Variants in WDR33 observed in about 807,000 individuals in gnomAD.
WDR33 encodes WD repeat domain 33.
A neutral mutation model predicts 164.9 loss-of-function variants in WDR33; 47 were observed. The observed-to-expected ratio is 0.29, with a 90% confidence interval of 0.23 to 0.36. The LOEUF is 0.36. Ranked by LOEUF, WDR33 falls within the 10% of genes least tolerant of loss-of-function variation. The pLI is 1.00. For synonymous variants in WDR33, 505 were observed against 589.0 expected (o/e 0.86, Z 2.06); for missense variants, 1,137 against 1,754.1 (o/e 0.65, Z 6.28).
rs552426119 is a variant in WDR33 at position 127,738,820 on chromosome 2, C to T, written c.725-12043G>A. The stretch of plus-strand genomic sequence containing the variant: ...CACTGCCTATGGGTTAGTCCTGCCC[C>T]GCAAGCAGTCACTCTGTAAATAATT... On this transcript the variant is annotated intron_variant, in intron 7 of 21. Coordinates refer to ENST00000322313, the MANE Select transcript of WDR33 (RefSeq NM_018383.5). The surrounding 1 kb of genome is among the most constrained non-coding windows in gnomAD (Gnocchi z 4.4). Among the ~76,000 whole-genome samples, 5 of 152,208 alleles carry T rather than the reference C, an allele frequency of 3.3e-5. No homozygotes were observed. The highest frequency in any genetic ancestry group is 1.9e-4 in the East Asian group (1 of 5,188).
At chr2:127,762,604 T>C in intron 7 of WDR33, 1 of 987,682 alleles carries the variant, frequency 1.0e-6, no homozygotes, top group Non-Finnish European at 1.2e-6. Flanking sequence ...ACAAATGTGG[T>C]GTACTGAAAA....
At chr2:127,798,892 C>CA (rs1689139443) in intron 1 of WDR33, 1 of 142,284 alleles carries the variant, frequency 7.0e-6, no homozygotes, top group South Asian at 2.2e-4. Context: ...TTATAGCTTT[C>CA]TTTTTTTTTT....
chr2:127,757,854 C>T (rs545096538), intron 7 of WDR33, among the ~76,000 whole-genome samples: 3 of 151,956 alleles, frequency 2.0e-5, no homozygotes, highest in Middle Eastern at 3.2e-3. Context: ...CACTGCCAAA[C>T]GAAAAGATCT....
Position 127,710,865 on chromosome 2 carries a change from G to A in WDR33, c.3309-1009C>T, listed in dbSNP as rs1307511874. 2.6e-5 allele frequency among the ~76,000 whole-genome samples: 4 copies of A among 152,068 alleles called. No individual in the cohort carries two copies. In the East Asian group the frequency reaches 5.8e-4, roughly 22 times the overall value. ...AACTTACAGTAAAGCTGAAAGAACA[G>A]TACAATGAACATCCCAGATCCTCCA... On this transcript the variant is annotated intron_variant, in intron 18 of 21. Transcript: ENST00000322313. This position sits in a 1 kb window ranked among gnomAD's most constrained non-coding sequence, Gnocchi z 4.4.
rs1351848710 is a variant in WDR33, at chr2:127,722,085, C to T, written c.1519-97G>A. 3.7e-6 allele frequency: 5 copies of T among 1,362,740 alleles called. No homozygotes were observed. Among genetic ancestry groups the T allele is most frequent in the Non-Finnish European group, 5.0e-6 (5 of 1,002,844 alleles). The allele number at this position is 1,362,740 out of a possible 1,614,324, so 84.4% of individuals were successfully genotyped here. ...CTACAATGTCATCTGCTCAATCTAA[C>T]CTCTGAACCGATTTTATTTCTTTTT... On this transcript the variant is annotated intron_variant, in intron 14 of 21. Coordinates refer to ENST00000322313, the MANE Select transcript of WDR33 (RefSeq NM_018383.5). This position sits in a 1 kb window ranked among gnomAD's most constrained non-coding sequence, Gnocchi z 5.1.
chr2:127,774,557 C>T (rs757212877), intron 1 of WDR33, among the ~76,000 whole-genome samples: 1 of 151,372 alleles, frequency 6.6e-6, no homozygotes, highest in Admixed American at 6.6e-5. Context: ...CTGCCAGGCG[C>T]GGCGGCTCAC....
chr2:127,736,141 G>A, intron 7 of WDR33: 2 of 985,388 alleles, frequency 2.0e-6, no homozygotes, highest in Non-Finnish European at 2.4e-6. Context: ...CAAATCTGTG[G>A]GAGAATTTGG....
At chr2:127,772,203 G>T (rs1336678773) in intron 1 of WDR33, among the ~76,000 whole-genome samples, 1 of 152,176 alleles carries the variant, frequency 6.6e-6, no homozygotes, top group Admixed American at 6.5e-5. Context: ...TTGGGAGGCC[G>T]AGATGGGCGG....
chr2:127,701,364 G>C lies in WDR33; in HGVS notation c.*4959C>G, dbSNP rs1430573460. On this transcript the variant is annotated 3_prime_UTR_variant, in exon 22 of 22. Coordinates refer to ENST00000322313, the MANE Select transcript of WDR33 (RefSeq NM_018383.5). ...AGCACCTGCGACCACGGTACTTGGG[G>C]ACACCACAAAAGTCCGCAGAGCAGG... 3 of 571,114 alleles carry C rather than the reference G, an allele frequency of 5.3e-6. No homozygotes were observed. The highest frequency in any genetic ancestry group is 3.9e-5 in the African/African-American group (2 of 51,238). 35.4% of individuals were successfully genotyped at this position (571,114 alleles called of 1,614,324 possible).
At position 127,713,860 on chromosome 2, in the gene WDR33, C is replaced by T. The variant is rs763675332; in HGVS notation, c.3031G>A (p.Asp1011Asn). 4 of 1,614,120 alleles carry T rather than the reference C, an allele frequency of 2.5e-6. No homozygotes were observed. The highest frequency in any genetic ancestry group is 2.7e-5 in the African/African-American group (2 of 74,956). ...DRRGPHPDFP[D>N]DFSRPDDFHP... ...AAGTCATCTGGTCTGCTGAAGTCAT[C>T]GGGGAAGTCTGGGTGAGGGCCACGC... Residue 1011 changes from aspartate (D) to asparagine (N), a missense_variant, in exon 18 of 22, where the codon GAT (aspartate) becomes AAT (asparagine). Coordinates refer to ENST00000322313, the MANE Select transcript of WDR33 (RefSeq NM_018383.5). This position sits in a 1 kb window ranked among gnomAD's most constrained non-coding sequence, Gnocchi z 6.2.
In WDR33 at chr2:127,718,136, T is replaced by C. The variant is rs949825883; in HGVS notation, c.2761-873A>G. Among the ~76,000 whole-genome samples the C allele has an allele frequency of 1.3e-5, 2 of 152,234 alleles. No homozygotes were observed. Among genetic ancestry groups the C allele is most frequent in the African/African-American group, 4.8e-5 (2 of 41,464 alleles). On this transcript the variant is annotated intron_variant, in intron 16 of 21. Transcript: ENST00000322313. This position sits in a 1 kb window ranked among gnomAD's most constrained non-coding sequence, Gnocchi z 4.4. ...AGATTCTCCATGACTACGACACTTT[T>C]AGGTTCTGGAAGACCTACTTTAGAA...
At chr2:127,795,100 C>CTTTT (rs1688987831) in intron 1 of WDR33, among the ~76,000 whole-genome samples, 5 of 112,718 alleles carry the variant, frequency 4.4e-5, no homozygotes, top group African/African-American at 1.3e-4. Flanking sequence ...GCAATAACTT[C>CTTTT]TCTTTTTTTT....
chr2:127,717,688 G>C lies in WDR33; in HGVS notation c.2761-425C>G, dbSNP rs940531260. On this transcript the variant is annotated intron_variant, in intron 16 of 21. Coordinates refer to ENST00000322313, the MANE Select transcript of WDR33 (RefSeq NM_018383.5). The surrounding 1 kb of genome is among the most constrained non-coding windows in gnomAD (Gnocchi z 5.6). Reference sequence around the variant, plus strand: ...TCTGAGATCTGAAATGCCCTACAAAGTATCAGATCTTCAGACTCATTCTAC... The same window carrying C: ...TCTGAGATCTGAAATGCCCTACAAACTATCAGATCTTCAGACTCATTCTAC... 6.6e-6 allele frequency among the ~76,000 whole-genome samples: 1 copy of C among 152,180 alleles called. No homozygotes were observed. The highest frequency in any genetic ancestry group is 2.4e-5 in the African/African-American group (1 of 41,436).
In WDR33 at chr2:127,711,768, A is replaced by ATTTTTTTTTTTTT. The variant is rs1441301170; in HGVS notation, c.3308+1814_3308+1815insAAAAAAAAAAAAA. Among the ~76,000 whole-genome samples, 57 of 70,230 alleles carry ATTTTTTTTTTTTT rather than the reference A, an allele frequency of 8.1e-4. 2 individuals carry two copies. The highest frequency in any genetic ancestry group is 1.0e-3 in the Non-Finnish European group (42 of 40,924). The allele number at this position is 70,230 out of a possible 152,430, so 46.1% of individuals were successfully genotyped here. A position where few individuals can be genotyped will look rare whatever the true frequency, so the allele number is the denominator to read the frequency against. Reference sequence around the variant, plus strand: ...CATATACAGATATATATATATATATATATATATATATATTTTTTTTTTGAG... The same window carrying ATTTTTTTTTTTTT: ...CATATACAGATATATATATATATATATTTTTTTTTTTTTTATATATATATATTTTTTTTTTGAG... On this transcript the variant is annotated intron_variant, in intron 18 of 21. Transcript: ENST00000322313.
rs1294665426 is a variant in WDR33, at chr2:127,708,881, C to T, written c.3577G>A (p.Glu1193Lys). 1.9e-6 allele frequency: 3 copies of T among 1,565,590 alleles called. No individual in the cohort carries two copies. Among genetic ancestry groups the T allele is most frequent in the Non-Finnish European group, 2.6e-6 (3 of 1,151,620 alleles). ...DGNREPGPGHEHFRDTPRPDH... is the reference protein window; with the variant it reads ...DGNREPGPGHKHFRDTPRPDH... ...GGGCGGGGAGTATCACGAAAATGTT[C>T]ATGACCTGGCCCTGAAACAAGAAAC... Residue 1193 changes from glutamate to lysine, a missense_variant, in exon 21 of 22, where the codon GAA (glutamate) becomes AAA (lysine). By Grantham distance (56) the Glu-to-Lys change is moderately conservative. Transcript: ENST00000322313. This position sits in a 1 kb window ranked among gnomAD's most constrained non-coding sequence, Gnocchi z 6.7.
intron 5 of WDR33, 49 bp from the exon 6 acceptor site, chr2:127,765,028 T>G (rs780381889): frequency 1.3e-6 from 2 of 1,599,884 alleles, no homozygotes; most frequent in East Asian, 2.2e-5. Context: ...TCAAAGAATA[T>G]ATGACTAAAG....
intron 8 of WDR33, among the ~76,000 whole-genome samples, chr2:127,725,902 A>G (rs571816945): frequency 4.6e-5 from 7 of 152,294 alleles, no homozygotes; most frequent in Admixed American, 2.0e-4. Context: ...AGTTTCTCTA[A>G]TTAAGACAAA....
intron 1 of WDR33, among the ~76,000 whole-genome samples, chr2:127,788,478 A>C (rs867255049): frequency 0.021 from 558 of 27,000 alleles, no homozygotes; most frequent in Admixed American, 0.048. Context: ...GGGGGCTGAC[A>C]CCCCCACCTC....
rs755524488 is a variant in WDR33 at position 127,702,056 on chromosome 2, G to A, written c.*4267C>T. 595 of 1,225,722 alleles carry A rather than the reference G, an allele frequency of 4.9e-4. 4 individuals are homozygous for A. The Middle Eastern group carries it at 6.8e-3, about 14-fold the overall frequency. The allele number at this position is 1,225,722 out of a possible 1,614,324, so 75.9% of individuals were successfully genotyped here. Reference sequence around the variant, plus strand: ...TCACGGTGCTGGGCGCGGGCGCGCAGGTGGCCGCGCTGCTGGCCGCGCTGG... The same window carrying A: ...TCACGGTGCTGGGCGCGGGCGCGCAAGTGGCCGCGCTGCTGGCCGCGCTGG... On this transcript the variant is annotated 3_prime_UTR_variant, in exon 22 of 22. Transcript: ENST00000322313.
Sources: gnomAD v4.1 joint callset for allele counts (sites outside exome capture counted in the v4.1 genomes callset) on GRCh38, gnomAD v4.1.1 for gene constraint, Gnocchi (gnomAD v3.1) non-coding constraint, MANE v1.5 for transcripts, NCBI Gene and HGNC (gene_info 2026-07-23, HGNC 2026-07-21) for gene names.